Variants in TAFA2 observed in about 807,000 individuals in gnomAD.
TAFA2 encodes chemokine-like protein TAFA-2.
TAFA2 carries 7 observed loss-of-function variants against 18.8 expected under a neutral mutation model. The ratio of observed to expected loss-of-function variants is 0.37; its 90% CI spans 0.21 to 0.70. TAFA2 has a LOEUF of 0.70. TAFA2 is among the 30% of genes least tolerant of loss of function. The pLI, the probability that TAFA2 is intolerant of heterozygous loss-of-function variation, is 0.53. For missense variants in TAFA2, 122 were observed against 158.1 expected, an observed-to-expected ratio of 0.77 and a Z score of 1.23; for synonymous variants, 60 against 54.2, an observed-to-expected ratio of 1.11 and a Z score of -0.47.
intron 1 of TAFA2, among the ~76,000 whole-genome samples, chr12:62,143,816 G>GTGGA (rs1255941770): frequency 2.6e-5 from 4 of 151,996 alleles, no homozygotes; most frequent in Non-Finnish European, 4.4e-5. Context: ...ACCAAGGCAG[G>GTGGA]TGGATGGCTT....
intron 1 of TAFA2, among the ~76,000 whole-genome samples, chr12:62,228,001 G>A (rs1326398098): frequency 1.3e-5 from 2 of 151,880 alleles, no homozygotes; most frequent in African/African-American, 4.8e-5. Flanking sequence ...TGTTGTTTTG[G>A]TTACTATGGC....
At chr12:61,831,499 T>C (rs1872719349) in intron 2 of TAFA2, among the ~76,000 whole-genome samples, 1 of 152,056 alleles carries the variant, frequency 6.6e-6, no homozygotes, top group Non-Finnish European at 1.5e-5. Context: ...CCACCAATTT[T>C]CTTCTCCTTT....
intron 1 of TAFA2, among the ~76,000 whole-genome samples, chr12:62,053,918 G>A (rs1213729542): frequency 6.6e-6 from 1 of 152,144 alleles, no homozygotes; most frequent in Admixed American, 6.5e-5. Context: ...TTGAATAAAT[G>A]TCAGCCATTA....
chr12:62,161,130 C>T (rs1328379993), intron 1 of TAFA2, among the ~76,000 whole-genome samples: 1 of 152,162 alleles, frequency 6.6e-6, no homozygotes, highest in Non-Finnish European at 1.5e-5. Flanking sequence ...ACAACTTTCG[C>T]TTTGCAAACA....
intron 4 of TAFA2, among the ~76,000 whole-genome samples, chr12:61,732,106 A>G (rs904588444): frequency 6.6e-6 from 1 of 152,080 alleles, no homozygotes; most frequent in African/African-American, 2.4e-5. Flanking sequence ...ATTTTAATTG[A>G]TGTAGATGAG....
chr12:62,253,430 T>A (rs1325460234), intron 1 of TAFA2: 1 of 152,210 alleles, frequency 6.6e-6, no homozygotes, highest in African/African-American at 2.4e-5. Context: ...ATAAACTTAG[T>A]GACTGAGACA....
At chr12:61,997,100 CA>C (rs1299093952) in intron 1 of TAFA2, among the ~76,000 whole-genome samples, 2 of 150,948 alleles carry the variant, frequency 1.3e-5, no homozygotes, top group Non-Finnish European at 2.9e-5. Flanking sequence ...AACAAATAAA[CA>C]CATAAAAAAG....
intron 1 of TAFA2, among the ~76,000 whole-genome samples, chr12:62,211,377 G>C (rs144465735): frequency 3.3e-5 from 5 of 152,180 alleles, no homozygotes; most frequent in African/African-American, 1.2e-4. Flanking sequence ...TCAGGACATC[G>C]AGACCATCTT....
intron 1 of TAFA2, among the ~76,000 whole-genome samples, chr12:61,935,668 C>T (rs1877732996): frequency 2.0e-5 from 3 of 151,962 alleles, no homozygotes; most frequent in Admixed American, 2.0e-4. Flanking sequence ...GAAAGATCAA[C>T]TTTTGAACAA....
chr12:62,052,449 C>A (rs953514602), intron 1 of TAFA2, among the ~76,000 whole-genome samples: 2 of 152,196 alleles, frequency 1.3e-5, no homozygotes, highest in African/African-American at 4.8e-5. Flanking sequence ...GCCTTGGCCT[C>A]CCAAAGTGCT....
chr12:61,819,535 G>T (rs1036930318), intron 2 of TAFA2, among the ~76,000 whole-genome samples: 1 of 152,090 alleles, frequency 6.6e-6, no homozygotes, highest in African/African-American at 2.4e-5. Context: ...GCTAGGATGT[G>T]AAGTCAAAAA....
At chr12:62,186,190 T>C (rs1320538687) in intron 1 of TAFA2, among the ~76,000 whole-genome samples, 4 of 152,174 alleles carry the variant, frequency 2.6e-5, no homozygotes, top group Admixed American at 6.5e-5. Flanking sequence ...CATGTGCAGC[T>C]ACAGGAGGCC....
intron 1 of TAFA2, among the ~76,000 whole-genome samples, chr12:62,156,967 C>T (rs531682851): frequency 6.6e-6 from 1 of 152,162 alleles, no homozygotes; most frequent in East Asian, 1.9e-4. Flanking sequence ...TTACTCTTTG[C>T]TTTATTTCTT....
chr12:62,036,961 T>C (rs1881627480), intron 1 of TAFA2, among the ~76,000 whole-genome samples: 1 of 152,244 alleles, frequency 6.6e-6, no homozygotes, highest in Non-Finnish European at 1.5e-5. Context: ...CTGAGGTCTC[T>C]TGCTATTCCA....
intron 4 of TAFA2, among the ~76,000 whole-genome samples, chr12:61,724,929 C>T (rs1363888252): frequency 9.9e-5 from 15 of 151,498 alleles, no homozygotes. Flanking sequence ...AGTTTACATT[C>T]CCCCCAGCAG....
At chr12:61,809,895 A>G (rs377017729) in intron 2 of TAFA2, among the ~76,000 whole-genome samples, 1 of 151,256 alleles carries the variant, frequency 6.6e-6, no homozygotes, top group Non-Finnish European at 1.5e-5. Flanking sequence ...GAGACCATCA[A>G]TGTGCCAACA....
At chr12:62,154,784 T>C (rs114967008) in intron 1 of TAFA2, among the ~76,000 whole-genome samples, 2,136 of 152,196 alleles carry the variant, frequency 0.014, 47 homozygotes, top group African/African-American at 0.044. Flanking sequence ...ACACACACAT[T>C]GCTGACTCAA....
intron 1 of TAFA2, among the ~76,000 whole-genome samples, chr12:62,030,728 G>T (rs950072864): frequency 3.9e-5 from 6 of 152,140 alleles, no homozygotes; most frequent in Non-Finnish European, 8.8e-5. Context: ...ACTCTAGAAA[G>T]TATAGAGAGA....
At position 62,035,902 on chromosome 12, in the gene TAFA2, C is replaced by T. The variant is rs933081086; in HGVS notation, c.-2+155357G>A. Among the ~76,000 whole-genome samples, 14 of 151,554 alleles carry T rather than the reference C, an allele frequency of 9.2e-5. No homozygotes were observed. In the East Asian group the frequency reaches 2.5e-3, roughly 27 times the overall value. ...GACTACAGGCGCGCGCCACCATGCCCGGCTAATTTTTGTATTTTTAGTAGA... is the reference window on the plus strand; with the variant it reads ...GACTACAGGCGCGCGCCACCATGCCTGGCTAATTTTTGTATTTTTAGTAGA... On this transcript the variant is annotated intron_variant, in intron 1 of 4. Coordinates refer to ENST00000416284, the MANE Select transcript of TAFA2 (RefSeq NM_178539.5).
Sources: allele counts gnomAD v4.1 joint callset (sites outside exome capture counted in the v4.1 genomes callset), GRCh38; gene constraint gnomAD v4.1.1; transcripts MANE v1.5; gene names NCBI Gene and HGNC (gene_info 2026-07-23, HGNC 2026-07-21).